DENND4C: variants seen among roughly 807,000 people sequenced by gnomAD.
DENND4C encodes DENN domain-containing protein 4C.
DENND4C carries 108 observed loss-of-function variants against 203.0 expected under a neutral mutation model. The ratio of observed to expected loss-of-function variants is 0.53; its 90% confidence interval spans 0.46 to 0.62. The LOEUF is 0.62. DENND4C is among the 20% of genes least tolerant of loss of function. The pLI is 0.00. For missense variants in DENND4C, 2,481 were observed against 2,301.2 expected, an observed-to-expected ratio of 1.08 and a Z score of -1.60; for synonymous variants, 871 against 792.4, an observed-to-expected ratio of 1.10 and a Z score of -1.67.
In DENND4C at chr9:19,266,441, A is replaced by G. The variant is rs150459117; in HGVS notation, c.-17-9717A>G. Among the ~76,000 whole-genome samples, 107 of 152,256 alleles carry G rather than the reference A, an allele frequency of 7.0e-4. 3 individuals carry two copies. The East Asian group carries it at 0.018, about 26-fold the overall frequency. ...CAATCTGATGGTAGTTTCTTTTGCT[A>G]TGGAGAAGCTCTTTAGTTGAATTAG... is the stretch of plus-strand genomic sequence containing the variant. On this transcript the variant is annotated intron_variant, in intron 1 of 32. Transcript: ENST00000434457.
At chr9:19,359,545 A>G (rs1010743592) in intron 28 of DENND4C, among the ~76,000 whole-genome samples, 1 of 151,760 alleles carries the variant, frequency 6.6e-6, no homozygotes, top group East Asian at 1.9e-4. Flanking sequence ...ATATGACAAG[A>G]TGTTTTATGC....
chr9:19,266,302 GTGGTT>G (rs1830488226), intron 1 of DENND4C, among the ~76,000 whole-genome samples: 1 of 152,154 alleles, frequency 6.6e-6, no homozygotes, highest in African/African-American at 2.4e-5. Flanking sequence ...TTTTGATGGG[GTGGTT>G]TGATTTTTTC....
rs1563833181 is a variant in DENND4C at position 19,352,127 on chromosome 9, A to T, written c.4550A>T (p.His1517Leu). 6 of 1,613,826 alleles carry T rather than the reference A, an allele frequency of 3.7e-6. No homozygotes were observed. The highest frequency in any genetic ancestry group is 1.3e-5 in the African/African-American group (1 of 74,914). Reference sequence around the variant, plus strand: ...GGGCAAGACTTTGAAAAATCAGATCATGGTTCTTCTCAAAATACCAGCATG... The same window carrying T: ...GGGCAAGACTTTGAAAAATCAGATCTTGGTTCTTCTCAAAATACCAGCATG... ...MKGQDFEKSD[H>L]GSSQNTSMSS... The change falls in exon 25 of 33, where the codon CAT (histidine) becomes CTT (leucine). Residue 1517 changes from histidine (H) to leucine (L), a missense_variant. His to Leu is a moderately conservative substitution (Grantham distance 99, BLOSUM62 -3). Around this residue, in one of 3 missense-constraint regions of DENND4C, gnomAD observed 2,289 missense variants for 2,113.3 expected, o/e 1.08. Coordinates refer to ENST00000434457, the MANE Select transcript of DENND4C (RefSeq NM_001330640.2).
In DENND4C at chr9:19,324,383, G is replaced by C. The variant is rs754649450; in HGVS notation, c.1829G>C (p.Arg610Pro). Residue 610 changes from arginine (R) to proline (P), a missense_variant, in exon 13 of 33, where the codon CGT becomes CCT. Physicochemically the swap from Arg to Pro is moderately radical, Grantham distance 103 (BLOSUM62 -2). Around this residue, in one of 3 missense-constraint regions of DENND4C, gnomAD observed 2,289 missense variants for 2,113.3 expected, o/e 1.08. Coordinates refer to ENST00000434457, the MANE Select transcript of DENND4C (RefSeq NM_001330640.2). Reference sequence around the variant, plus strand: ...TCAGGATTTTTAAAAAGTCGAGATCGTGCCTATGCAAAATTCTATACCCTT... The same window carrying C: ...TCAGGATTTTTAAAAAGTCGAGATCCTGCCTATGCAAAATTCTATACCCTT... ...DRQGFLKSRD[R>P]AYAKFYTLLS... is the part of the protein sequence containing the mutation. The C allele has an allele frequency of 1.2e-6, 2 of 1,601,732 alleles. No individual in the cohort carries two copies. Among genetic ancestry groups the C allele is most frequent in the Non-Finnish European group, 1.7e-6 (2 of 1,176,742 alleles).
At chr9:19,371,676 AT>A (rs1828856093) in intron 31 of DENND4C, 79 bp from the exon 32 acceptor site, 1 of 718,702 alleles carries the variant, frequency 1.4e-6, no homozygotes, top group East Asian at 2.7e-5. Flanking sequence ...ACAGAACTTA[AT>A]GTCTTCACCA....
Position 19,326,214 on chromosome 9 carries a change from G to A in DENND4C, c.2120+20G>A. 6.3e-7 allele frequency: 1 copy of A among 1,593,206 alleles called. No individual in the cohort carries two copies. The highest frequency in any genetic ancestry group is 1.9e-5 in the Admixed American group (1 of 53,376). ...GTACAGGTAGTAGGAAGTTTTAAAA[G>A]AGCTTAATGGCACAGCCTATCAGTT... is the stretch of plus-strand genomic sequence containing the variant. On this transcript the variant is annotated intron_variant, in intron 15 of 32. Transcript: ENST00000434457.
chr9:19,372,167 C>G lies in DENND4C; in HGVS notation c.5871C>G (p.Leu1957=). ...EWCRKCFGAP[L]I is the part of the protein sequence containing the mutation. ...GCAGGAAGTGTTTTGGAGCGCCTCTCATTTAAATAGAGATTCACTAGAATG... is the reference window on the plus strand; with the variant it reads ...GCAGGAAGTGTTTTGGAGCGCCTCTGATTTAAATAGAGATTCACTAGAATG... The change falls in exon 33 of 33, where the codon CTC becomes CTG. Residue 1957 remains leucine (L), a synonymous_variant. Transcript: ENST00000434457. 1 of 1,609,448 alleles carries G rather than the reference C, an allele frequency of 6.2e-7. No individual in the cohort carries two copies.
chr9:19,288,052 A>T (rs1479212125), intron 3 of DENND4C, among the ~76,000 whole-genome samples: 2 of 152,246 alleles, frequency 1.3e-5, no homozygotes, highest in African/African-American at 4.8e-5. Flanking sequence ...CTTACTCTTT[A>T]AAAGGACTGT....
chr9:19,251,501 A>C (rs915017572), intron 1 of DENND4C, among the ~76,000 whole-genome samples: 1 of 152,186 alleles, frequency 6.6e-6, no homozygotes, highest in Non-Finnish European at 1.5e-5. Context: ...TTCGTTACTT[A>C]TGTAAATTTC....
intron 1 of DENND4C, among the ~76,000 whole-genome samples, chr9:19,236,396 G>T (rs985631064): frequency 6.6e-6 from 1 of 152,154 alleles, no homozygotes; most frequent in Admixed American, 6.6e-5. Flanking sequence ...GTAAAAAGGC[G>T]TGAAGTAATG....
rs149869402 is a variant in DENND4C, at chr9:19,336,304, G to A, written c.2624G>A (p.Arg875His). The change falls in exon 19 of 33, where the codon CGC becomes CAC. Residue 875 changes from arginine to histidine, a missense_variant. This residue lies in a region of DENND4C where 2,289 missense variants were observed against 2,113.3 expected (regional missense o/e 1.08). Transcript: ENST00000434457. ...VLESPWPSST[R>H]SGIFLWTKVR... ...GAGAGCCCGTGGCCTAGCAGTACCC[G>A]CAGTGGTATTTTCTTATGGACGAAG... The A allele has an allele frequency of 2.4e-4, 395 of 1,613,886 alleles. 1 individual carries two copies. The highest frequency in any genetic ancestry group is 8.5e-4 in the South Asian group (77 of 91,060).
chr9:19,231,059 G>A (rs968546314), intron 1 of DENND4C, among the ~76,000 whole-genome samples: 1 of 152,252 alleles, frequency 6.6e-6, no homozygotes, highest in African/African-American at 2.4e-5. Context: ...GATCCTGCGG[G>A]ATGCAGTCGG....
intron 1 of DENND4C, among the ~76,000 whole-genome samples, chr9:19,240,147 G>A (rs1199243830): frequency 6.6e-6 from 1 of 152,010 alleles, no homozygotes; most frequent in Non-Finnish European, 1.5e-5. Flanking sequence ...TACATTCTGA[G>A]GAATGCATCA....
chr9:19,281,800 T>C (rs1834099642), intron 2 of DENND4C, among the ~76,000 whole-genome samples: 1 of 152,232 alleles, frequency 6.6e-6, no homozygotes, highest in Non-Finnish European at 1.5e-5. Context: ...CTATAGCCTA[T>C]TTTTCTTAGG....
chr9:19,302,645 T>G (rs1203045510), intron 9 of DENND4C, among the ~76,000 whole-genome samples: 1 of 152,184 alleles, frequency 6.6e-6, no homozygotes, highest in African/African-American at 2.4e-5. Context: ...AGAAGATAAT[T>G]GTCACTCAAA....
chr9:19,278,074 C>CTTTTTTTTTTTTTTTT (rs34167347), intron 2 of DENND4C, among the ~76,000 whole-genome samples: 1 of 120,298 alleles, frequency 8.3e-6, no homozygotes, highest in Admixed American at 8.6e-5. Flanking sequence ...CCTTTTTTTT[C>CTTTTTTTTTTTTTTTT]TTTTTTTTTT....
Position 19,286,831 on chromosome 9 carries a change from A to G in DENND4C, c.368A>G (p.Tyr123Cys), listed in dbSNP as rs371911067. 2.2e-4 allele frequency: 274 copies of G among 1,232,144 alleles called. No individual in the cohort carries two copies. Among genetic ancestry groups the G allele is most frequent in the African/African-American group, 7.4e-4 (48 of 64,550 alleles). The allele number at this position is 1,232,144 out of a possible 1,614,324, so 76.3% of individuals were successfully genotyped here. ...PGCEVILATP[Y>C]GRCANVNNSS... ...TGTGAAGTGATCCTAGCCACACCCT[A>G]TGGTCGCTGTGCCAATGTCAACAAT... Residue 123 changes from tyrosine (Y) to cysteine (C), a missense_variant, in exon 3 of 33, where the codon TAT (tyrosine) becomes TGT (cysteine). This residue lies in a region of DENND4C where 187 missense variants were observed against 167.4 expected (regional missense o/e 1.12). Coordinates refer to ENST00000434457, the MANE Select transcript of DENND4C (RefSeq NM_001330640.2).
Position 19,276,151 on chromosome 9 carries a change from C to G in DENND4C, c.-17-7C>G, listed in dbSNP as rs1440265637. 17 of 1,225,148 alleles carry G rather than the reference C, an allele frequency of 1.4e-5. No homozygotes were observed. The highest frequency in any genetic ancestry group is 1.6e-5 in the Non-Finnish European group (16 of 981,756). The allele number at this position is 1,225,148 out of a possible 1,614,324, so 75.9% of individuals were successfully genotyped here. A position where few individuals can be genotyped will look rare whatever the true frequency, so the allele number is the denominator to read the frequency against. On this transcript the variant is annotated splice_region_variant and splice_polypyrimidine_tract_variant and intron_variant, in intron 1 of 32. Coordinates refer to ENST00000434457, the MANE Select transcript of DENND4C (RefSeq NM_001330640.2). ...TTTTATTGGTATCTTTCCCCTCCCT[C>G]TTCTAGAAAATACAGTAGCAGCCAT...
chr9:19,246,323 A>AG (rs1825244355), intron 1 of DENND4C, among the ~76,000 whole-genome samples: 1 of 152,148 alleles, frequency 6.6e-6, no homozygotes, highest in African/African-American at 2.4e-5. Context: ...ATTTATGACC[A>AG]CACATATCTA....
Sources: gnomAD v4.1 joint callset for allele counts (sites outside exome capture counted in the v4.1 genomes callset) on GRCh38, gnomAD v4.1.1 for gene constraint, gnomAD v4.1.1 regional missense constraint, MANE v1.5 for transcripts, NCBI Gene and HGNC (gene_info 2026-07-23, HGNC 2026-07-21) for gene names.